TAF15: variants seen among roughly 807,000 people sequenced by gnomAD.
TAF15 encodes TATA-box binding protein associated factor 15.
Under a neutral mutation model 102.5 loss-of-function variants are expected in TAF15, and 37 were observed. That is an observed-to-expected ratio of 0.36 (90% CI 0.28 to 0.47). The LOEUF (loss-of-function observed/expected upper bound fraction) is 0.47. TAF15 is among the 20% of genes least tolerant of loss of function. The pLI is 0.99. For missense variants in TAF15, 652 were observed against 760.7 expected (o/e 0.86, Z 1.68); for synonymous variants, 273 against 259.2 (o/e 1.05, Z -0.51).
At chr17:35,835,123 G>C (rs2087458826) in intron 9 of TAF15, among the ~76,000 whole-genome samples, 1 of 152,102 alleles carries the variant, frequency 6.6e-6, no homozygotes, top group South Asian at 2.1e-4. Context: ...ATTGCTGTTT[G>C]TGCTTTCCCA....
At position 35,834,740 on chromosome 17, in the gene TAF15, C is replaced by CTTTTTTTTTTTTTTTTTTTTTTTTTTTTT. The variant is rs533058888; in HGVS notation, c.673+164_673+165insTTTTTTTTTTTTTTTTTTTTTTTTTTTTT. ...CTGCCAGAACTGGGGAGCTTTATTT[C>CTTTTTTTTTTTTTTTTTTTTTTTTTTTTT]TTTTTTTTTTTTTTTTTTTTTTGAG... On this transcript the variant is annotated intron_variant, in intron 9 of 15. Coordinates refer to ENST00000605844, the MANE Select transcript of TAF15 (RefSeq NM_139215.3). 9.3e-5 allele frequency: 22 copies of CTTTTTTTTTTTTTTTTTTTTTTTTTTTTT among 236,410 alleles called. 3 individuals carry two copies. The highest frequency in any genetic ancestry group is 6.7e-4 in the African/African-American group (13 of 19,378). 14.6% of individuals were successfully genotyped at this position (236,410 alleles called of 1,614,324 possible).
intron 1 of TAF15, among the ~76,000 whole-genome samples, chr17:35,812,594 A>C (rs1170094595): frequency 1.3e-5 from 2 of 151,626 alleles, no homozygotes; most frequent in African/African-American, 4.8e-5. Context: ...AAAAAAAAAA[A>C]AAAAAAAAAA....
chr17:35,843,205 C>T (rs2087568208), intron 12 of TAF15, among the ~76,000 whole-genome samples: 1 of 151,866 alleles, frequency 6.6e-6, no homozygotes. Context: ...CTCACCGCAA[C>T]CTCTCCCTCC....
In TAF15 at chr17:35,846,896, T is replaced by C; in HGVS notation, c.1740-10T>C. ...AGAATTTAGTCCGGCTCTTTATTTT[T>C]CATTCCTAGAAACGACTACAGAAAT... On this transcript the variant is annotated splice_polypyrimidine_tract_variant and intron_variant, in intron 15 of 15. Transcript: ENST00000605844. 1.2e-6 allele frequency: 2 copies of C among 1,614,204 alleles called. No homozygotes were observed. Among genetic ancestry groups the C allele is most frequent in the Non-Finnish European group, 1.7e-6 (2 of 1,180,010 alleles).
At chr17:35,820,632 T>G (rs2087247513) in intron 5 of TAF15, among the ~76,000 whole-genome samples, 195 bp downstream of exon 5, 2 of 152,162 alleles carry the variant, frequency 1.3e-5, no homozygotes, top group Admixed American at 1.3e-4. Context: ...ATGATGTATT[T>G]GTGAAATCAT....
In TAF15 at chr17:35,839,370, C is replaced by CTTTTTT. The variant is rs562461506; in HGVS notation, c.913+841_913+846dup. 2.9e-3 allele frequency among the ~76,000 whole-genome samples: 150 copies of CTTTTTT among 52,416 alleles called. 40 individuals are homozygous for CTTTTTT. Among genetic ancestry groups the CTTTTTT allele is most frequent in the African/African-American group, 0.012 (132 of 11,160 alleles). 34.4% of individuals were successfully genotyped at this position (52,416 alleles called of 152,430 possible). A position where few individuals can be genotyped will look rare whatever the true frequency, so the allele number is the denominator to read the frequency against. On this transcript the variant is annotated intron_variant, in intron 11 of 15. Transcript: ENST00000605844. The stretch of plus-strand genomic sequence containing the variant: ...TTAATACATACTTAGAAGAAATAGA[C>CTTTTTT]TTTTTTTTTTTTTTTTTTTTTTTTT...
At position 35,844,875 on chromosome 17, in the gene TAF15, A is replaced by G; in HGVS notation, c.1576A>G (p.Arg526Gly). Residue 526 changes from arginine to glycine, a missense_variant, in exon 15 of 16, where the codon AGA becomes GGA. By Grantham distance (125) the Arg-to-Gly change is moderately radical (BLOSUM62 -2). Transcript: ENST00000605844. ...GGDRGGYGGD[R>G]SRGGYGGDRG... ...AGATCGAGGAGGCTATGGAGGAGAC[A>G]GAAGCCGGGGGGGCTATGGAGGAGA... 1.2e-6 allele frequency: 2 copies of G among 1,610,692 alleles called. No homozygotes were observed. Among genetic ancestry groups the G allele is most frequent in the Non-Finnish European group, 1.7e-6 (2 of 1,179,072 alleles).
intron 7 of TAF15, among the ~76,000 whole-genome samples, chr17:35,827,703 C>T (rs527481906): frequency 1.4e-5 from 2 of 147,316 alleles, no homozygotes; most frequent in South Asian, 2.1e-4. Flanking sequence ...GAAACTCCAT[C>T]GCAAAAAAAA....
At chr17:35,829,646 A>G (rs2087376657) in intron 7 of TAF15, among the ~76,000 whole-genome samples, 1 of 149,374 alleles carries the variant, frequency 6.7e-6, no homozygotes, top group African/African-American at 2.5e-5. Context: ...AAAAAAAAAA[A>G]AAAAAAAAAA....
intron 1 of TAF15, chr17:35,809,946 T>C: frequency 2.5e-6 from 1 of 404,724 alleles, no homozygotes; most frequent in Non-Finnish European, 4.6e-6. Flanking sequence ...TGCTTCTGGT[T>C]CTCCGCTCCG....
intron 10 of TAF15, among the ~76,000 whole-genome samples, chr17:35,836,903 G>A (rs2087481839): frequency 6.6e-6 from 1 of 151,666 alleles, no homozygotes; most frequent in Non-Finnish European, 1.5e-5. Flanking sequence ...TCAGCCTCTT[G>A]AGTAGCTGGG....
chr17:35,811,693 A>G (rs927381180), intron 1 of TAF15: 1 of 152,232 alleles, frequency 6.6e-6, no homozygotes, highest in Non-Finnish European at 1.5e-5. Flanking sequence ...ATAAAGTATA[A>G]GCACTGAAGT....
At chr17:35,842,292 C>A in intron 11 of TAF15, 75 bp from the exon 12 acceptor site, 1 of 1,155,762 alleles carries the variant, frequency 8.7e-7, no homozygotes, top group East Asian at 2.4e-5. Context: ...TAAAGATTTC[C>A]AAGACTTTTT....
Position 35,813,074 on chromosome 17 carries a change from A to G in TAF15, c.7+3498A>G, listed in dbSNP as rs192178862. 2.3e-4 allele frequency among the ~76,000 whole-genome samples: 34 copies of G among 147,272 alleles called. No individual in the cohort carries two copies. In the Admixed American group the frequency reaches 2.3e-3, roughly 10 times the overall value. On this transcript the variant is annotated intron_variant, in intron 1 of 15. Coordinates refer to ENST00000605844, the MANE Select transcript of TAF15 (RefSeq NM_139215.3). ...GCTAGGAGGCAGAGGTTGCAGTTTG[A>G]GACACTGCACTCCAGCTTGGGTGAC...
intron 5 of TAF15, among the ~76,000 whole-genome samples, chr17:35,822,122 A>G (rs1369724217): frequency 6.6e-6 from 1 of 151,944 alleles, no homozygotes; most frequent in African/African-American, 2.4e-5. Flanking sequence ...CGGGTGGATC[A>G]CGTGAGGTCA....
chr17:35,844,997 CGGAGGAGACCGAGGTGGCTAT>C lies in TAF15; in HGVS notation c.1704_1724del (p.Asp569_Gly575del), dbSNP rs2087607052. The C allele has an allele frequency of 6.2e-7, 1 of 1,605,760 alleles. No individual in the cohort carries two copies. The highest frequency in any genetic ancestry group is 8.5e-7 in the Non-Finnish European group (1 of 1,176,690). On this transcript the variant is annotated inframe_deletion, in exon 15 of 16. Transcript: ENST00000605844. ...ATGGAGGAGACCGAGGTGGGGGCTA[CGGAGGAGACCGAGGTGGCTAT>C]GGAGGCAAAATGGGAGGAAGGTGAG...
At chr17:35,821,456 A>G (rs1193234119) in intron 5 of TAF15, among the ~76,000 whole-genome samples, 1 of 152,216 alleles carries the variant, frequency 6.6e-6, no homozygotes, top group African/African-American at 2.4e-5. Context: ...CAGCCATTTT[A>G]AAGTGCTAGG....
intron 6 of TAF15, 29 bp from the exon 7 acceptor site, chr17:35,824,049 A>G (rs776191708): frequency 3.2e-5 from 51 of 1,613,874 alleles, no homozygotes; most frequent in African/African-American, 5.3e-5. Flanking sequence ...GAGAGTGGTT[A>G]TTTGTGTGTA....
chr17:35,827,635 T>C (rs2087347501), intron 7 of TAF15, among the ~76,000 whole-genome samples: 1 of 151,090 alleles, frequency 6.6e-6, no homozygotes, highest in Admixed American at 6.6e-5. Context: ...GACCTGGGAG[T>C]TGGTGGTTGC....
Sources: allele counts gnomAD v4.1 joint callset (sites outside exome capture counted in the v4.1 genomes callset), GRCh38; gene constraint gnomAD v4.1.1; transcripts MANE v1.5; gene names NCBI Gene and HGNC (gene_info 2026-07-23, HGNC 2026-07-21).